CNIH3: variants seen among roughly 807,000 people sequenced by gnomAD.
CNIH3 encodes the protein cornichon family AMPA receptor auxiliary protein 3, also known as protein cornichon homolog 3.
A neutral mutation model predicts 24.1 loss-of-function variants in CNIH3; 14 were observed. That is an observed-to-expected ratio of 0.58 (90% confidence interval 0.38 to 0.91). CNIH3 has a LOEUF of 0.91. Ranked by LOEUF, CNIH3 falls within the 40% of genes least tolerant of loss-of-function variation. CNIH3 has a pLI of 0.00. For missense variants in CNIH3, 178 were observed against 196.8 expected (o/e 0.90, Z 0.57); for synonymous variants, 68 against 73.8 (o/e 0.92, Z 0.40).
At chr1:224,734,439 G>A in intron 4 of CNIH3, 124 bp from the exon 5 acceptor site, 1 of 908,334 alleles carries the variant, frequency 1.1e-6, no homozygotes, top group Non-Finnish European at 1.7e-6. Flanking sequence ...ACTGTGATTT[G>A]GGCAGAAGGC....
chr1:224,670,773 C>A (rs1685826423), intron 1 of CNIH3, among the ~76,000 whole-genome samples: 1 of 152,270 alleles, frequency 6.6e-6, no homozygotes, highest in Admixed American at 6.5e-5. Flanking sequence ...CCAAGCCCCA[C>A]TGGCCAGGGC....
chr1:224,596,965 C>A (rs570082445), intron 3 of CNIH3, among the ~76,000 whole-genome samples: 1 of 152,020 alleles, frequency 6.6e-6, no homozygotes, highest in Non-Finnish European at 1.5e-5. Context: ...TCAGCCTGGC[C>A]AACGTGGTGA....
At chr1:224,507,442 G>A (rs1405685174) in intron 1 of CNIH3, among the ~76,000 whole-genome samples, 1 of 152,100 alleles carries the variant, frequency 6.6e-6, no homozygotes, top group Non-Finnish European at 1.5e-5. Context: ...TACATTAAAT[G>A]GGTTAATATT....
chr1:224,471,730 C>T (rs556053776), intron 1 of CNIH3, among the ~76,000 whole-genome samples: 42 of 152,092 alleles, frequency 2.8e-4, no homozygotes, highest in Non-Finnish European at 4.3e-4. Context: ...GCTGGGACTA[C>T]GGGTACCTGC....
chr1:224,694,001 T>C (rs1342923456), intron 3 of CNIH3, among the ~76,000 whole-genome samples: 3 of 152,232 alleles, frequency 2.0e-5, no homozygotes, highest in African/African-American at 7.2e-5. Context: ...ATTTGGTGAC[T>C]TGAGTGTTTG....
chr1:224,466,142 T>A (rs946205746), intron 1 of CNIH3, among the ~76,000 whole-genome samples: 5 of 152,216 alleles, frequency 3.3e-5, no homozygotes, highest in African/African-American at 1.2e-4. Flanking sequence ...TGTATGTAGT[T>A]CTATGCAGTT....
rs139540851 is a variant in CNIH3, at chr1:224,548,761, G to A, written n.450+1822G>A. Among the ~76,000 whole-genome samples, 72 of 149,144 alleles carry A rather than the reference G, an allele frequency of 4.8e-4. 1 individual carries two copies. The East Asian group carries it at 0.012, about 26-fold the overall frequency. ...AGATACTACTCTTAATATCACAGGG[G>A]GTGTACACCCTGTGTGTACACCCTG... is the stretch of plus-strand genomic sequence containing the variant. On this transcript the variant is annotated intron_variant and non_coding_transcript_variant, in intron 3 of 5. Transcript: ENST00000471578.
chr1:224,709,816 T>C (rs559908627), intron 3 of CNIH3, among the ~76,000 whole-genome samples: 11 of 152,304 alleles, frequency 7.2e-5, no homozygotes, highest in African/African-American at 2.6e-4. Flanking sequence ...ATCTACTCAT[T>C]ACAGTAGTAC....
chr1:224,500,730 C>CTT (rs1283229572), intron 1 of CNIH3, among the ~76,000 whole-genome samples: 2 of 152,022 alleles, frequency 1.3e-5, no homozygotes, highest in Admixed American at 1.3e-4. Flanking sequence ...GATCTTTAAT[C>CTT]TGAGTAGACT....
At chr1:224,643,203 C>G (rs1684443056) in intron 1 of CNIH3, among the ~76,000 whole-genome samples, 1 of 152,154 alleles carries the variant, frequency 6.6e-6, no homozygotes, top group Non-Finnish European at 1.5e-5. Flanking sequence ...ATCCTGGGCC[C>G]TGGGAATAGG....
chr1:224,448,097 C>G (rs1362524561), intron 1 of CNIH3, among the ~76,000 whole-genome samples: 1 of 152,130 alleles, frequency 6.6e-6, no homozygotes, highest in Non-Finnish European at 1.5e-5. Context: ...CTCAGCCAGG[C>G]ATGGTGGCGG....
At chr1:224,633,690 C>A (rs1460779249) in intron 1 of CNIH3, among the ~76,000 whole-genome samples, 2 of 152,136 alleles carry the variant, frequency 1.3e-5, no homozygotes, top group Non-Finnish European at 2.9e-5. Context: ...GGCAGGGTCT[C>A]CAGGCATCCT....
chr1:224,438,976 G>C (rs994266645), intron 1 of CNIH3, among the ~76,000 whole-genome samples: 4 of 152,148 alleles, frequency 2.6e-5, no homozygotes, highest in African/African-American at 9.7e-5. Context: ...GTGTAAGATG[G>C]TTTTTTGGTT....
intron 1 of CNIH3, among the ~76,000 whole-genome samples, chr1:224,678,668 A>G (rs536909593): frequency 7.9e-5 from 12 of 152,168 alleles, no homozygotes; most frequent in African/African-American, 2.9e-4. Flanking sequence ...CCTCTAATGC[A>G]GTGCTGTCTG....
intron 4 of CNIH3, among the ~76,000 whole-genome samples, chr1:224,567,380 C>A (rs768255769): frequency 3.3e-5 from 5 of 152,094 alleles, no homozygotes; most frequent in African/African-American, 1.2e-4. Context: ...TAATTAGATC[C>A]CATTTGTCAA....
intron 3 of CNIH3, among the ~76,000 whole-genome samples, chr1:224,565,066 A>T (rs1680525430): frequency 1.3e-5 from 2 of 152,190 alleles, no homozygotes; most frequent in Non-Finnish European, 2.9e-5. Flanking sequence ...TCCATTTATC[A>T]CAAGTTTTCT....
At chr1:224,706,391 C>T (rs977930972) in intron 3 of CNIH3, among the ~76,000 whole-genome samples, 1 of 152,108 alleles carries the variant, frequency 6.6e-6, no homozygotes, top group Non-Finnish European at 1.5e-5. Flanking sequence ...ACATAGCATC[C>T]TCGCCTGTTC....
chr1:224,577,774 T>A (rs1681099071), intron 4 of CNIH3, among the ~76,000 whole-genome samples: 1 of 152,214 alleles, frequency 6.6e-6, no homozygotes, highest in African/African-American at 2.4e-5. Flanking sequence ...CATGCAGGTT[T>A]ATAGCAGCAT....
At chr1:224,453,956 G>A (rs909356570) in intron 1 of CNIH3, among the ~76,000 whole-genome samples, 3 of 152,080 alleles carry the variant, frequency 2.0e-5, no homozygotes, top group African/African-American at 4.8e-5. Context: ...TTGTCCAAAA[G>A]ATTGCGCATT....
Sources: gnomAD v4.1 joint callset for allele counts (sites outside exome capture counted in the v4.1 genomes callset) on GRCh38, gnomAD v4.1.1 for gene constraint, MANE v1.5 for transcripts, NCBI Gene and HGNC (gene_info 2026-07-23, HGNC 2026-07-21) for gene names.